RBFOX1: variants seen among roughly 807,000 people sequenced by gnomAD.
RBFOX1 encodes the protein RNA binding protein fox-1 homolog 1.
RBFOX1 carries 8 observed loss-of-function variants against 57.7 expected under a neutral mutation model. The observed-to-expected ratio is 0.14, with a 90% CI of 0.08 to 0.25. RBFOX1 has a LOEUF of 0.25. RBFOX1 is among the 10% of genes least tolerant of loss of function. The pLI is 1.00. For missense variants in RBFOX1, 611 were observed against 548.5 expected (o/e 1.11, Z -1.14); for synonymous variants, 326 against 222.4 (o/e 1.47, Z -4.15).
At chr16:6,764,860 C>T (rs1002128424) in intron 3 of RBFOX1, among the ~76,000 whole-genome samples, 1 of 151,986 alleles carries the variant, frequency 6.6e-6, no homozygotes, top group Non-Finnish European at 1.5e-5. Flanking sequence ...TCTCTTGAAC[C>T]CAGAAGGTGA....
chr16:6,498,145 G>A (rs1011982729), intron 2 of RBFOX1, among the ~76,000 whole-genome samples: 1 of 151,742 alleles, frequency 6.6e-6, no homozygotes, highest in Non-Finnish European at 1.5e-5. Flanking sequence ...CCAGCTACCT[G>A]GAAGGCTGAG....
intron 2 of RBFOX1, among the ~76,000 whole-genome samples, chr16:6,558,378 C>T (rs1017435067): frequency 9.2e-5 from 14 of 152,140 alleles, no homozygotes; most frequent in Non-Finnish European, 1.9e-4. Context: ...GCAGTCTTCT[C>T]TTTTAGAAAG....
intron 2 of RBFOX1, among the ~76,000 whole-genome samples, chr16:5,525,987 T>G (rs2044229104): frequency 1.3e-5 from 2 of 152,044 alleles, no homozygotes; most frequent in Non-Finnish European, 2.9e-5. Context: ...GGGGAGCTGG[T>G]ATCAAGGCTG....
chr16:7,629,930 TGTGGGTCCAGG>T (rs1423709595), intron 10 of RBFOX1, among the ~76,000 whole-genome samples: 4 of 152,302 alleles, frequency 2.6e-5, no homozygotes, highest in Admixed American at 2.0e-4. Context: ...CAGTGTCCAG[TGTGGGTCCAGG>T]GTGGGTCCCA....
intron 4 of RBFOX1, among the ~76,000 whole-genome samples, chr16:7,212,053 G>C (rs544598963): frequency 4.7e-4 from 72 of 152,208 alleles, no homozygotes; most frequent in African/African-American, 1.7e-3. Flanking sequence ...GGCCAAGAAG[G>C]TTCCTAACAA....
At chr16:6,835,865 T>G (rs2093059256) in intron 3 of RBFOX1, among the ~76,000 whole-genome samples, 1 of 151,788 alleles carries the variant, frequency 6.6e-6, no homozygotes, top group South Asian at 2.1e-4. Flanking sequence ...CCCAGGCTCC[T>G]TCCCTAGGTG....
At chr16:7,507,953 G>A (rs1445174375) in intron 4 of RBFOX1, among the ~76,000 whole-genome samples, 1 of 151,662 alleles carries the variant, frequency 6.6e-6, no homozygotes, top group East Asian at 2.0e-4. Flanking sequence ...ATTGTTTCCA[G>A]CTGAAACTCT....
At chr16:5,751,573 A>G (rs1403305513) in intron 3 of RBFOX1, among the ~76,000 whole-genome samples, 2 of 152,178 alleles carry the variant, frequency 1.3e-5, no homozygotes, top group African/African-American at 4.8e-5. Context: ...TAGGAATCAG[A>G]GAGGGCAAGG....
chr16:7,101,395 T>G (rs892124254), intron 4 of RBFOX1, among the ~76,000 whole-genome samples: 2 of 152,198 alleles, frequency 1.3e-5, no homozygotes, highest in African/African-American at 4.8e-5. Flanking sequence ...AAGGAAACTC[T>G]TGGATTTCGT....
intron 3 of RBFOX1, among the ~76,000 whole-genome samples, chr16:6,691,838 A>T (rs2060253492): frequency 6.6e-6 from 1 of 152,206 alleles, no homozygotes. Context: ...AAAGCTGAGC[A>T]CTTTTCCTTG....
rs531986 is a variant in RBFOX1 at position 5,426,652 on chromosome 16, A to G, written c.220-40564A>G. ...CCATCCCTTTACCAGCCTGTTTCCT[A>G]CTAAAATTGACTCTCTCTGGAGAGG... is the stretch of plus-strand genomic sequence containing the variant. On this transcript the variant is annotated intron_variant, in intron 1 of 2. Transcript: ENST00000585867. Among the ~76,000 whole-genome samples, 646 of 152,264 alleles carry G rather than the reference A, an allele frequency of 4.2e-3. 12 individuals are homozygous for G. The highest frequency in any genetic ancestry group is 0.015 in the African/African-American group (610 of 41,552).
At chr16:6,543,657 G>A (rs1270602268) in intron 2 of RBFOX1, among the ~76,000 whole-genome samples, 1 of 152,172 alleles carries the variant, frequency 6.6e-6, no homozygotes, top group Non-Finnish European at 1.5e-5. Flanking sequence ...TGGTTGGAAA[G>A]AGGCACCTTG....
intron 1 of RBFOX1, among the ~76,000 whole-genome samples, chr16:5,404,649 C>G (rs368521320): frequency 5.3e-5 from 8 of 152,250 alleles, no homozygotes; most frequent in African/African-American, 1.9e-4. Context: ...GCCCTGAACC[C>G]CTATTCTGTG....
chr16:5,550,782 A>G lies in RBFOX1; in HGVS notation c.259-48120A>G, dbSNP rs538658098. Among the ~76,000 whole-genome samples the G allele has an allele frequency of 5.9e-4, 90 of 152,332 alleles. No homozygotes were observed. The South Asian group carries it at 9.9e-3, about 17-fold the overall frequency. On this transcript the variant is annotated intron_variant, in intron 2 of 2. Transcript: ENST00000585867. ...TGAGAATAAACAAGTCAGCAATAACAATAACAATTCATGCTTTCATTTCAA... is the reference window on the plus strand; with the variant it reads ...TGAGAATAAACAAGTCAGCAATAACGATAACAATTCATGCTTTCATTTCAA...
intron 4 of RBFOX1, among the ~76,000 whole-genome samples, chr16:7,441,343 C>T (rs1382004190): frequency 2.0e-5 from 3 of 152,170 alleles, no homozygotes. Context: ...GCCTTGGAAA[C>T]TAAAAACCCT....
At chr16:7,323,583 T>G (rs1221132279) in intron 4 of RBFOX1, among the ~76,000 whole-genome samples, 1 of 152,274 alleles carries the variant, frequency 6.6e-6, no homozygotes, top group East Asian at 1.9e-4. Context: ...AGCTCTGTGT[T>G]TGACTAACTC....
chr16:6,677,141 A>G (rs887438382), intron 3 of RBFOX1, among the ~76,000 whole-genome samples: 1 of 152,198 alleles, frequency 6.6e-6, no homozygotes, highest in African/African-American at 2.4e-5. Flanking sequence ...TTTTTTTCAG[A>G]TGATGAAATA....
intron 4 of RBFOX1, among the ~76,000 whole-genome samples, chr16:7,134,905 G>A (rs1433645401): frequency 4.0e-5 from 6 of 150,406 alleles, no homozygotes; most frequent in African/African-American, 1.5e-4. Flanking sequence ...TTGGCTTTAT[G>A]GTGGTTGCCG....
At chr16:5,374,181 A>G (rs2065929932) in intron 1 of RBFOX1, among the ~76,000 whole-genome samples, 1 of 152,138 alleles carries the variant, frequency 6.6e-6, no homozygotes, top group Non-Finnish European at 1.5e-5. Flanking sequence ...CAGCTGTTCC[A>G]CCCACCTCGG....
Sources: gnomAD v4.1 joint callset for allele counts (sites outside exome capture counted in the v4.1 genomes callset) on GRCh38, gnomAD v4.1.1 for gene constraint, MANE v1.5 for transcripts, NCBI Gene and HGNC (gene_info 2026-07-23, HGNC 2026-07-21) for gene names.